CPNE4: variants seen among roughly 807,000 people sequenced by gnomAD.
The protein encoded by CPNE4 is copine-4.
A neutral mutation model predicts 67.9 loss-of-function variants in CPNE4; 25 were observed. The ratio of observed to expected loss-of-function variants is 0.37; its 90% CI spans 0.27 to 0.51. The LOEUF is 0.51. Ranked by LOEUF, CPNE4 falls within the 20% of genes least tolerant of loss-of-function variation. The probability of loss-of-function intolerance (pLI) is 0.93; values close to 1 mark genes in which losing one functional copy is unlikely to be tolerated. For missense variants in CPNE4, 464 were observed against 690.8 expected, an observed-to-expected ratio of 0.67 and a Z score of 3.68; for synonymous variants, 242 against 244.9, an observed-to-expected ratio of 0.99 and a Z score of 0.11.
At chr3:131,889,239 A>G (rs921415839) in intron 2 of CPNE4, among the ~76,000 whole-genome samples, 1 of 152,190 alleles carries the variant, frequency 6.6e-6, no homozygotes, top group African/African-American at 2.4e-5. Context: ...GACATTTACA[A>G]AAGGTCACAT....
intron 1 of CPNE4, among the ~76,000 whole-genome samples, chr3:131,983,137 T>C (rs755155161): frequency 6.6e-6 from 1 of 152,172 alleles, no homozygotes; most frequent in Non-Finnish European, 1.5e-5. Flanking sequence ...TTAATAACCA[T>C]TACCTTGTAA....
intron 2 of CPNE4, among the ~76,000 whole-genome samples, chr3:131,744,390 G>A (rs923124211): frequency 2.0e-5 from 3 of 151,570 alleles, no homozygotes; most frequent in Admixed American, 1.3e-4. Context: ...TTTATTTTGT[G>A]TCAGTTGTAG....
In CPNE4 at chr3:131,650,744, C is replaced by CAAAAAAAAAAAAAAAA. The variant is rs141219633; in HGVS notation, c.681+18915_681+18930dup. On this transcript the variant is annotated intron_variant, in intron 7 of 15. Transcript: ENST00000429747. ...TGGGGGACAGAGCAAGACTCCGTCT[C>CAAAAAAAAAAAAAAAA]AAAAAAAAAAAAAAAAAAAAAAAAA... Among the ~76,000 whole-genome samples, 12 of 61,194 alleles carry CAAAAAAAAAAAAAAAA rather than the reference C, an allele frequency of 2.0e-4. 1 individual carries two copies. Among genetic ancestry groups the CAAAAAAAAAAAAAAAA allele is most frequent in the African/African-American group, 6.1e-4 (7 of 11,524 alleles). The allele number at this position is 61,194 out of a possible 152,430, so 40.1% of individuals were successfully genotyped here.
chr3:131,595,599 G>C (rs1938794607), intron 7 of CPNE4, among the ~76,000 whole-genome samples: 1 of 152,220 alleles, frequency 6.6e-6, no homozygotes, highest in East Asian at 1.9e-4. Flanking sequence ...AGGGGAGCCA[G>C]CATGTAACAC....
chr3:131,985,283 A>G (rs1166381378), intron 1 of CPNE4, among the ~76,000 whole-genome samples: 1 of 152,178 alleles, frequency 6.6e-6, no homozygotes, highest in Admixed American at 6.5e-5. Flanking sequence ...ATTTCAACAT[A>G]TCAGTTTTTT....
intron 2 of CPNE4, among the ~76,000 whole-genome samples, chr3:131,873,023 A>G (rs979147635): frequency 6.6e-6 from 1 of 152,218 alleles, no homozygotes; most frequent in Non-Finnish European, 1.5e-5. Context: ...GGTTTGAGGT[A>G]AAGTTTTGCA....
chr3:131,838,930 A>T (rs1405576915), intron 2 of CPNE4, among the ~76,000 whole-genome samples: 1 of 151,898 alleles, frequency 6.6e-6, no homozygotes, highest in African/African-American at 2.4e-5. Context: ...TCTTAGACCA[A>T]ATAAAATATA....
At chr3:131,828,862 C>G (rs887209456) in intron 2 of CPNE4, among the ~76,000 whole-genome samples, 16 of 152,118 alleles carry the variant, frequency 1.1e-4, no homozygotes, top group African/African-American at 3.1e-4. Context: ...AAAAACAAAA[C>G]AACTTCAGTC....
At chr3:131,802,929 A>G (rs1429165805) in intron 2 of CPNE4, among the ~76,000 whole-genome samples, 2 of 152,182 alleles carry the variant, frequency 1.3e-5, no homozygotes, top group Non-Finnish European at 2.9e-5. Context: ...CTAAATTGGC[A>G]CTTTAATGCC....
At chr3:132,001,218 A>G (rs1257722900) in intron 1 of CPNE4, among the ~76,000 whole-genome samples, 1 of 152,072 alleles carries the variant, frequency 6.6e-6, no homozygotes, top group Non-Finnish European at 1.5e-5. Flanking sequence ...TGCTGGCTAG[A>G]GAACAGAAGG....
chr3:131,691,820 C>T (rs1463482509), intron 5 of CPNE4, among the ~76,000 whole-genome samples: 1 of 152,140 alleles, frequency 6.6e-6, no homozygotes, highest in Non-Finnish European at 1.5e-5. Flanking sequence ...AAGAAGGCAT[C>T]TGATTCATGG....
intron 1 of CPNE4, among the ~76,000 whole-genome samples, chr3:131,913,752 C>T (rs1230874556): frequency 6.6e-6 from 1 of 152,216 alleles, no homozygotes; most frequent in African/African-American, 2.4e-5. Context: ...GAATTGCAAA[C>T]TCACATGGAT....
chr3:131,638,880 T>C lies in CPNE4; in HGVS notation c.681+30795A>G, dbSNP rs554186832. On this transcript the variant is annotated intron_variant, in intron 7 of 15. Transcript: ENST00000429747. Reference sequence around the variant, plus strand: ...ACTCCAAAAGGAACCCTCAAAACGATGCAAATATGTGGAAATTAAATAGCC... The same window carrying C: ...ACTCCAAAAGGAACCCTCAAAACGACGCAAATATGTGGAAATTAAATAGCC... Among the ~76,000 whole-genome samples, 582 of 152,120 alleles carry C rather than the reference T, an allele frequency of 3.8e-3. 3 individuals are homozygous for C. The highest frequency in any genetic ancestry group is 0.013 in the African/African-American group (531 of 41,506).
chr3:131,773,286 T>C (rs1437897559), intron 2 of CPNE4, among the ~76,000 whole-genome samples: 1 of 152,188 alleles, frequency 6.6e-6, no homozygotes, highest in African/African-American at 2.4e-5. Flanking sequence ...TTTTAATAAA[T>C]GTACAAATTA....
At chr3:131,868,916 G>T (rs571707630) in intron 2 of CPNE4, among the ~76,000 whole-genome samples, 53 of 152,162 alleles carry the variant, frequency 3.5e-4, no homozygotes, top group Non-Finnish European at 5.1e-4. Flanking sequence ...CTCTGTAAAG[G>T]ACTCATATTC....
At chr3:131,651,840 G>A (rs2079822158) in intron 7 of CPNE4, among the ~76,000 whole-genome samples, 1 of 152,078 alleles carries the variant, frequency 6.6e-6, no homozygotes, top group African/African-American at 2.4e-5. Flanking sequence ...TGAGCTGTGT[G>A]GTCCCGGGGA....
In CPNE4 at chr3:131,577,540, C is replaced by T. The variant is rs1336642680; in HGVS notation, c.868-2410G>A. ...AAGCAACTGTAACACAACTGTAAGT[C>T]TTTGTGTATCTAAACATATCTAAAC... On this transcript the variant is annotated intron_variant, in intron 9 of 15. Coordinates refer to ENST00000429747, the MANE Select transcript of CPNE4 (RefSeq NM_130808.3). 5.3e-5 allele frequency among the ~76,000 whole-genome samples: 8 copies of T among 152,176 alleles called. No individual in the cohort carries two copies. In the South Asian group the frequency reaches 1.2e-3, roughly 24 times the overall value.
chr3:131,843,465 G>A (rs191631130), intron 2 of CPNE4, among the ~76,000 whole-genome samples: 3 of 152,296 alleles, frequency 2.0e-5, no homozygotes, highest in East Asian at 3.9e-4. Flanking sequence ...AAAGAAGAGC[G>A]TTTACATTGA....
chr3:131,741,055 A>C (rs769570834), intron 2 of CPNE4, among the ~76,000 whole-genome samples: 1 of 152,012 alleles, frequency 6.6e-6, no homozygotes, highest in Non-Finnish European at 1.5e-5. Context: ...CTTGCACCCT[A>C]TCTGTAACAT....
Sources: gnomAD v4.1 joint callset for allele counts (sites outside exome capture counted in the v4.1 genomes callset) on GRCh38, gnomAD v4.1.1 for gene constraint, MANE v1.5 for transcripts, NCBI Gene and HGNC (gene_info 2026-07-23, HGNC 2026-07-21) for gene names.